COBL: variants seen among roughly 807,000 people sequenced by gnomAD.
COBL encodes protein cordon-bleu.
COBL carries 51 observed loss-of-function variants against 98.8 expected under a neutral mutation model. That is an observed-to-expected ratio of 0.52 (90% CI 0.41 to 0.65). The LOEUF (loss-of-function observed/expected upper bound fraction) is 0.65, where lower values mean the gene tolerates loss of function less well. Ranked by LOEUF, COBL falls within the 30% of genes least tolerant of loss-of-function variation. The probability of loss-of-function intolerance (pLI) is 0.00; values close to 1 mark genes in which losing one functional copy is unlikely to be tolerated. For missense variants in COBL, 1,617 were observed against 1,617.5 expected, an observed-to-expected ratio of 1.00 and a Z score of 0.01; for synonymous variants, 634 against 651.7, an observed-to-expected ratio of 0.97 and a Z score of 0.41.
intron 5 of COBL, among the ~76,000 whole-genome samples, chr7:51,140,993 G>A (rs1203914377): frequency 3.3e-5 from 5 of 151,990 alleles, no homozygotes; most frequent in African/African-American, 1.2e-4. Flanking sequence ...CCATCACACA[G>A]CCTAAGATGG....
chr7:51,118,170 T>C (rs892494977), intron 6 of COBL, among the ~76,000 whole-genome samples: 1 of 152,218 alleles, frequency 6.6e-6, no homozygotes, highest in East Asian at 1.9e-4. Context: ...TGAGTTTACA[T>C]ATAATCTATT....
At chr7:51,109,014 T>C (rs928490018) in intron 6 of COBL, among the ~76,000 whole-genome samples, 1 of 151,632 alleles carries the variant, frequency 6.6e-6, no homozygotes, top group Non-Finnish European at 1.5e-5. Context: ...TCCTTTTCCT[T>C]AGTCTCGGTC....
intron 6 of COBL, among the ~76,000 whole-genome samples, chr7:51,122,829 A>G (rs961424120): frequency 6.6e-6 from 1 of 152,098 alleles, no homozygotes; most frequent in Non-Finnish European, 1.5e-5. Flanking sequence ...AAACACAAAA[A>G]TTAGCAGGGC....
chr7:51,063,428 C>T (rs574057694), intron 7 of COBL, among the ~76,000 whole-genome samples: 3 of 152,238 alleles, frequency 2.0e-5, no homozygotes, highest in African/African-American at 7.2e-5. Flanking sequence ...AGCCACTGTG[C>T]CCGGCCTAAC....
At chr7:51,066,165 C>T (rs74410683) in intron 7 of COBL, among the ~76,000 whole-genome samples, 3,260 of 152,336 alleles carry the variant, frequency 0.021, 121 homozygotes, top group African/African-American at 0.074. Context: ...CAGGCCCACA[C>T]ATGGTGACTG....
At chr7:51,091,913 C>T (rs1205306293) in intron 6 of COBL, among the ~76,000 whole-genome samples, 1 of 152,176 alleles carries the variant, frequency 6.6e-6, no homozygotes, top group Non-Finnish European at 1.5e-5. Context: ...CGCCACCTGC[C>T]AATCAAGGAT....
In COBL at chr7:51,078,416, G is replaced by A. The variant is rs181228687; in HGVS notation, c.1096+6750C>T. 1.1e-3 allele frequency among the ~76,000 whole-genome samples: 170 copies of A among 152,250 alleles called. 2 individuals carry two copies. Among genetic ancestry groups the A allele is most frequent in the Non-Finnish European group, 3.4e-4 (23 of 68,016 alleles). ...CCAAAGATGATACAGAGAAGAATTA[G>A]GAAGAACTAAGATCCTTGATGACAA... On this transcript the variant is annotated intron_variant, in intron 7 of 12. Transcript: ENST00000265136.
At chr7:51,039,786 A>G (rs887023359) in intron 8 of COBL, among the ~76,000 whole-genome samples, 7 of 152,292 alleles carry the variant, frequency 4.6e-5, no homozygotes, top group East Asian at 1.9e-4. Flanking sequence ...TCCAGCTTGC[A>G]TATGTGTTCC....
intron 6 of COBL, among the ~76,000 whole-genome samples, chr7:51,115,894 T>G (rs2128983634): frequency 6.6e-6 from 1 of 152,192 alleles, no homozygotes; most frequent in Middle Eastern, 3.4e-3. Flanking sequence ...TGAAGTTCTG[T>G]TATTAGGTAC....
In COBL at chr7:51,029,019, G is replaced by C; in HGVS notation, c.2077C>G (p.Gln693Glu). 6.2e-7 allele frequency: 1 copy of C among 1,614,076 alleles called. No homozygotes were observed. Among genetic ancestry groups the C allele is most frequent in the South Asian group, 1.1e-5 (1 of 91,078 alleles). The change falls in exon 10 of 13, where the codon CAA (glutamine) becomes GAA (glutamate). Residue 693 changes from glutamine to glutamate, a missense_variant. By Grantham distance (29) the Gln-to-Glu change is conservative. Transcript: ENST00000265136. ...AGTCTGTAGCTTTTCCCTGGGTTTTGGCCTCGTTGGTGCCATGATGTTGGT... is the reference window on the plus strand; with the variant it reads ...AGTCTGTAGCTTTTCCCTGGGTTTTCGCCTCGTTGGTGCCATGATGTTGGT... ...LAPTSWHQRGQNPGKSYRLKH... is the reference protein window; with the variant it reads ...LAPTSWHQRGENPGKSYRLKH...
intron 2 of COBL, among the ~76,000 whole-genome samples, chr7:51,218,229 C>G (rs932464415): frequency 2.6e-5 from 4 of 152,222 alleles, no homozygotes; most frequent in Non-Finnish European, 4.4e-5. Context: ...GTATGCACCC[C>G]TTTGCCAATT....
intron 5 of COBL, among the ~76,000 whole-genome samples, chr7:51,150,979 C>T (rs530334350): frequency 5.9e-5 from 9 of 152,086 alleles, no homozygotes; most frequent in African/African-American, 1.4e-4. Context: ...CCCCCCTCCC[C>T]GCCCCAAATC....
chr7:51,060,948 G>A (rs1188154903), intron 7 of COBL, among the ~76,000 whole-genome samples: 1 of 152,128 alleles, frequency 6.6e-6, no homozygotes, highest in Non-Finnish European at 1.5e-5. Context: ...GGATGTAGGA[G>A]ATCCCTTAGG....
At chr7:51,192,037 G>T (rs1018249547) in intron 3 of COBL, among the ~76,000 whole-genome samples, 11 of 152,132 alleles carry the variant, frequency 7.2e-5, no homozygotes, top group Admixed American at 4.6e-4. Flanking sequence ...GGGCTCACCT[G>T]CCCTGAGAAG....
intron 7 of COBL, among the ~76,000 whole-genome samples, chr7:51,057,184 A>C (rs556095261): frequency 2.0e-5 from 3 of 152,350 alleles, no homozygotes; most frequent in African/African-American, 7.2e-5. Flanking sequence ...CCAAAGCACA[A>C]GAGTACTGAT....
intron 7 of COBL, among the ~76,000 whole-genome samples, chr7:51,082,727 G>A (rs1270559400): frequency 1.3e-5 from 2 of 152,156 alleles, no homozygotes; most frequent in Non-Finnish European, 2.9e-5. Flanking sequence ...ATCACACGAC[G>A]GCTGTGCCGG....
chr7:51,179,554 A>C (rs1470247240), intron 5 of COBL, among the ~76,000 whole-genome samples: 1 of 152,140 alleles, frequency 6.6e-6, no homozygotes, highest in African/African-American at 2.4e-5. Context: ...TGAATATGCT[A>C]TTAATATGCA....
At chr7:51,292,622 C>G (rs1801013903) in intron 1 of COBL, among the ~76,000 whole-genome samples, 1 of 152,258 alleles carries the variant, frequency 6.6e-6, no homozygotes. Context: ...CAGCACACAT[C>G]TGTGAGACCT....
At chr7:51,018,999 T>C (rs1194423569) in intron 12 of COBL, among the ~76,000 whole-genome samples, 1 of 146,328 alleles carries the variant, frequency 6.8e-6, no homozygotes, top group Non-Finnish European at 1.5e-5. Context: ...ATCGTTAGTG[T>C]TTTTTATATG....
Sources: allele counts gnomAD v4.1 joint callset (sites outside exome capture counted in the v4.1 genomes callset), GRCh38; gene constraint gnomAD v4.1.1; transcripts MANE v1.5; gene names NCBI Gene and HGNC (gene_info 2026-07-23, HGNC 2026-07-21).